Variants in LRP4 observed in about 807,000 individuals in gnomAD.
The protein encoded by LRP4 is LDL receptor related protein 4.
A neutral mutation model predicts 220.3 loss-of-function variants in LRP4; 95 were observed. The ratio of observed to expected loss-of-function variants is 0.43; its 90% CI spans 0.37 to 0.51. The LOEUF (loss-of-function observed/expected upper bound fraction) is 0.51. Among genes scored for constraint, LRP4 ranks in the 20% least tolerant of loss-of-function variants. The pLI is 0.00. For synonymous variants in LRP4, 903 were observed against 954.6 expected, an observed-to-expected ratio of 0.95 and a Z score of 1.00; for missense variants, 1,925 against 2,567.0, an observed-to-expected ratio of 0.75 and a Z score of 5.40.
chr11:46,883,105 A>AT (rs1380669260), intron 19 of LRP4, among the ~76,000 whole-genome samples: 1 of 152,230 alleles, frequency 6.6e-6, no homozygotes, highest in Non-Finnish European at 1.5e-5. Flanking sequence ...ACAGATTTAA[A>AT]TTTTTTTAAC....
Position 46,890,848 on chromosome 11 carries a change from C to T in LRP4, c.1698-354G>A, listed in dbSNP as rs550469685. The stretch of plus-strand genomic sequence containing the variant: ...AGCTCAAGCAATCCTCCTGCTTTGT[C>T]CTTTCAAAGTACTGGGATTATAGGC... On this transcript the variant is annotated intron_variant, in intron 13 of 37. Transcript: ENST00000378623. This position sits in a 1 kb window ranked among gnomAD's most constrained non-coding sequence, Gnocchi z 5.3. 6.6e-6 allele frequency among the ~76,000 whole-genome samples: 1 copy of T among 152,104 alleles called. No individual in the cohort carries two copies. Among genetic ancestry groups the T allele is most frequent in the Non-Finnish European group, 1.5e-5 (1 of 68,018 alleles).
At position 46,882,671 on chromosome 11, in the gene LRP4, G is replaced by A. The variant is rs187568016; in HGVS notation, c.2613-768C>T. 1.6e-3 allele frequency among the ~76,000 whole-genome samples: 243 copies of A among 151,684 alleles called. 1 individual carries two copies. The highest frequency in any genetic ancestry group is 1.8e-3 in the Non-Finnish European group (125 of 67,886). The stretch of plus-strand genomic sequence containing the variant: ...GTTTGACACCAGCCTAGACAACATA[G>A]CAAGACCCCATCTCTACAAAAAAAA... On this transcript the variant is annotated intron_variant, in intron 19 of 37. Coordinates refer to ENST00000378623, the MANE Select transcript of LRP4 (RefSeq NM_002334.4).
chr11:46,901,945 G>C (rs1941674097), intron 2 of LRP4, among the ~76,000 whole-genome samples: 1 of 151,876 alleles, frequency 6.6e-6, no homozygotes, highest in Admixed American at 6.6e-5. Context: ...GTATTAGCCA[G>C]GATGGTCTCG....
intron 1 of LRP4, among the ~76,000 whole-genome samples, chr11:46,907,625 C>T (rs775705047): frequency 6.6e-6 from 1 of 152,164 alleles, no homozygotes; most frequent in South Asian, 2.1e-4. Context: ...TCCAGTGTAG[C>T]CCAGGGAAGC....
chr11:46,877,368 C>G lies in LRP4; in HGVS notation c.3137-29G>C, dbSNP rs765905411. ...CCAGGTGGAGAGGAGGGAAGAGGAT[C>G]ACTCGAGCACAGCCATTAAATGGAT... On this transcript the variant is annotated intron_variant, in intron 22 of 37. Transcript: ENST00000378623. 1.2e-5 allele frequency: 20 copies of G among 1,613,342 alleles called. No individual in the cohort carries two copies. In the Admixed American group the frequency reaches 3.3e-4, roughly 27 times the overall value.
chr11:46,889,457 G>T lies in LRP4; in HGVS notation c.2169C>A (p.Ala723=). The T allele has an allele frequency of 6.2e-7, 1 of 1,614,160 alleles. No homozygotes were observed. Among genetic ancestry groups the T allele is most frequent in the Non-Finnish European group, 8.5e-7 (1 of 1,180,054 alleles). Residue 723 remains alanine, a synonymous_variant, in exon 16 of 38, where the codon GCC becomes GCA. Transcript: ENST00000378623. ...TGATCTTGCGGAAGCCAGTGGGGCA[G>T]GCACAGGTGTAGTTCTGGCCACTGG... ...CLPSGQNYTC[A]CPTGFRKISS...
chr11:46,860,761 C>T (rs1940524098), intron 37 of LRP4, among the ~76,000 whole-genome samples: 1 of 152,174 alleles, frequency 6.6e-6, no homozygotes, highest in African/African-American at 2.4e-5. Context: ...AGCAAACACA[C>T]AGATGTCTGT....
chr11:46,887,345 G>C (rs1239399428), intron 16 of LRP4, among the ~76,000 whole-genome samples: 3 of 152,166 alleles, frequency 2.0e-5, no homozygotes, highest in Non-Finnish European at 4.4e-5. Context: ...TCAGGGGACA[G>C]GGGGCTTTAC....
chr11:46,873,912 G>A lies in LRP4; in HGVS notation c.4230-319C>T, dbSNP rs964874721. 4 of 365,260 alleles carry A rather than the reference G, an allele frequency of 1.1e-5. No homozygotes were observed. The highest frequency in any genetic ancestry group is 2.0e-5 in the Non-Finnish European group (4 of 202,958). The allele number at this position is 365,260 out of a possible 1,614,324, so 22.6% of individuals were successfully genotyped here. A position where few individuals can be genotyped will look rare whatever the true frequency, so the allele number is the denominator to read the frequency against. On this transcript the variant is annotated intron_variant, in intron 28 of 37. Transcript: ENST00000378623. This position sits in a 1 kb window ranked among gnomAD's most constrained non-coding sequence, Gnocchi z 4.2. Reference sequence around the variant, plus strand: ...GGGAAGAGACAAGGATTGCTAGGTGGTGATGATAAGAAACGCAGATTTGTC... The same window carrying A: ...GGGAAGAGACAAGGATTGCTAGGTGATGATGATAAGAAACGCAGATTTGTC...
chr11:46,872,419 A>C (rs1940893464), intron 30 of LRP4, among the ~76,000 whole-genome samples: 1 of 152,080 alleles, frequency 6.6e-6, no homozygotes, highest in Non-Finnish European at 1.5e-5. Context: ...CCCTGCCCTT[A>C]GCATTTCTTA....
intron 36 of LRP4, among the ~76,000 whole-genome samples, chr11:46,863,377 TAG>T (rs1376061354): frequency 6.6e-6 from 1 of 152,118 alleles, no homozygotes; most frequent in East Asian, 1.9e-4. Flanking sequence ...CACTGAGCTT[TAG>T]AGTCAGACAG....
Position 46,873,925 on chromosome 11 carries a change from A to G in LRP4, c.4230-332T>C. On this transcript the variant is annotated intron_variant, in intron 28 of 37. Transcript: ENST00000378623. This position sits in a 1 kb window ranked among gnomAD's most constrained non-coding sequence, Gnocchi z 4.2. ...GATTGCTAGGTGGTGATGATAAGAAACGCAGATTTGTCAAAACCAACCTGT... is the reference window on the plus strand; with the variant it reads ...GATTGCTAGGTGGTGATGATAAGAAGCGCAGATTTGTCAAAACCAACCTGT... The G allele has an allele frequency of 3.0e-6, 1 of 333,048 alleles. No individual in the cohort carries two copies. The highest frequency in any genetic ancestry group is 5.1e-5 in the East Asian group (1 of 19,518). 20.6% of individuals were successfully genotyped at this position (333,048 alleles called of 1,614,324 possible).
In LRP4 at chr11:46,900,246, C is replaced by T. The variant is rs1156353178; in HGVS notation, c.316+16G>A. On this transcript the variant is annotated intron_variant, in intron 3 of 37. Coordinates refer to ENST00000378623, the MANE Select transcript of LRP4 (RefSeq NM_002334.4). ...GGAACTCAATGGAGTTCCGCCCAGC[C>T]TCTGCCAACACTCACGACAGTCCTG... is the stretch of plus-strand genomic sequence containing the variant. The T allele has an allele frequency of 2.5e-6, 4 of 1,590,378 alleles. No individual in the cohort carries two copies. Among genetic ancestry groups the T allele is most frequent in the Admixed American group, 1.7e-5 (1 of 59,972 alleles).
At chr11:46,897,425 G>A (rs1443054446) in intron 7 of LRP4, among the ~76,000 whole-genome samples, 2 of 148,566 alleles carry the variant, frequency 1.3e-5, no homozygotes, top group African/African-American at 5.0e-5. Context: ...TCGCAGAGGG[G>A]GATTTGGCAG....
Position 46,890,445 on chromosome 11 carries a change from T to C in LRP4, c.1747A>G (p.Ser583Gly), listed in dbSNP as rs1266509095. 1 of 1,614,178 alleles carries C rather than the reference T, an allele frequency of 6.2e-7. No individual in the cohort carries two copies. Among genetic ancestry groups the C allele is most frequent in the Admixed American group, 1.7e-5 (1 of 60,026 alleles). ...WGNTPRIEASSMDGSGRRIIA... is the reference protein window; with the variant it reads ...WGNTPRIEASGMDGSGRRIIA... ...ATGCGGCGTCCAGAGCCATCCATGC[T>C]GGAGGCCTCAATACGGGGGGTGTTG... Residue 583 changes from serine (S) to glycine (G), a missense_variant, in exon 14 of 38, where the codon AGC (serine) becomes GGC (glycine). Around this residue, in one of 3 missense-constraint regions of LRP4, gnomAD observed 269 missense variants for 436.7 expected, o/e 0.62. Coordinates refer to ENST00000378623, the MANE Select transcript of LRP4 (RefSeq NM_002334.4). The surrounding 1 kb of genome is among the most constrained non-coding windows in gnomAD (Gnocchi z 5.3).
At chr11:46,894,395 G>A (rs977976269) in intron 12 of LRP4, among the ~76,000 whole-genome samples, 194 bp downstream of exon 12, 1 of 152,192 alleles carries the variant, frequency 6.6e-6, no homozygotes, top group African/African-American at 2.4e-5. Flanking sequence ...TCAATCATGA[G>A]CAAATGTTAT....
chr11:46,900,152 A>C (rs991170074), intron 3 of LRP4, 110 bp downstream of exon 3: 1 of 1,002,496 alleles, frequency 1.0e-6, no homozygotes, highest in Non-Finnish European at 1.6e-6. Context: ...GGACAGGACA[A>C]AGTGCTGAAA....
At chr11:46,871,759 C>A (rs1285716593) in intron 30 of LRP4, 126 bp from the exon 31 acceptor site, 1 of 719,756 alleles carries the variant, frequency 1.4e-6, no homozygotes, top group African/African-American at 1.7e-5. Flanking sequence ...AAGAAGCACC[C>A]TCGATGAGGG....
chr11:46,896,717 G>T, intron 8 of LRP4, 152 bp downstream of exon 8: 2 of 1,096,834 alleles, frequency 1.8e-6, no homozygotes, highest in South Asian at 1.3e-5. Flanking sequence ...CTGATACTGT[G>T]CTCCAGGCCA....
Sources: allele counts gnomAD v4.1 joint callset (sites outside exome capture counted in the v4.1 genomes callset), GRCh38; gene constraint gnomAD v4.1.1; regional missense constraint gnomAD v4.1.1; non-coding constraint Gnocchi (gnomAD v3.1); transcripts MANE v1.5; gene names NCBI Gene and HGNC (gene_info 2026-07-23, HGNC 2026-07-21).